The following KIF3B variants were observed in gnomAD, a reference collection of about 807,000 sequenced individuals.
KIF3B encodes kinesin-like protein KIF3B.
A neutral mutation model predicts 74.3 loss-of-function variants in KIF3B; 38 were observed. The observed-to-expected ratio is 0.51, with a 90% CI of 0.39 to 0.67. The LOEUF (loss-of-function observed/expected upper bound fraction) is 0.67. Ranked by LOEUF, KIF3B falls within the 30% of genes least tolerant of loss-of-function variation. The pLI is 0.00. For missense variants in KIF3B, 649 were observed against 932.0 expected (o/e 0.70, Z 3.95); for synonymous variants, 326 against 342.5 (o/e 0.95, Z 0.53).
intron 1 of KIF3B, among the ~76,000 whole-genome samples, chr20:32,280,211 C>T (rs776098216): frequency 7.2e-5 from 11 of 152,022 alleles, no homozygotes; most frequent in Admixed American, 5.2e-4. Context: ...CATTAGCTAT[C>T]GTTATTTGGG....
chr20:32,310,925 G>T lies in KIF3B; in HGVS notation c.1148G>T (p.Arg383Leu), dbSNP rs749727452. 2.5e-6 allele frequency: 4 copies of T among 1,613,792 alleles called. No individual in the cohort carries two copies. Among genetic ancestry groups the T allele is most frequent in the Non-Finnish European group, 3.4e-6 (4 of 1,179,872 alleles). The change falls in exon 2 of 9, where the codon CGG becomes CTG. Residue 383 changes from arginine to leucine, a missense_variant. By Grantham distance (102) the Arg-to-Leu change is moderately radical. Around this residue, in one of 4 missense-constraint regions of KIF3B, gnomAD observed 363 missense variants for 592.8 expected, o/e 0.61. Transcript: ENST00000375712. The surrounding 1 kb of genome is among the most constrained non-coding windows in gnomAD (Gnocchi z 6.5). ...GGTAGGAGGAAGAGGCGAGAGAAGC[G>T]GAGGGAAGGTGGTGGCAGTGGTGGG... is the stretch of plus-strand genomic sequence containing the variant. ...SIGRRKRREK[R>L]REGGGSGGGG... is the part of the protein sequence containing the mutation.
chr20:32,321,720 T>G (rs1428166555), intron 5 of KIF3B, among the ~76,000 whole-genome samples: 1 of 152,194 alleles, frequency 6.6e-6, no homozygotes, highest in Non-Finnish European at 1.5e-5. Flanking sequence ...TTCTACAAAT[T>G]GAAGGTTTGT....
At chr20:32,319,527 T>TAC (rs71187104) in intron 5 of KIF3B, among the ~76,000 whole-genome samples, 86,099 of 133,190 alleles carry the variant, frequency 0.65, 28,316 homozygotes, top group East Asian at 0.94. Context: ...ATATATTTCA[T>TAC]ACACACACAC....
At chr20:32,299,373 G>A (rs575876355) in intron 1 of KIF3B, among the ~76,000 whole-genome samples, 52 of 54,024 alleles carry the variant, frequency 9.6e-4, no homozygotes, top group Middle Eastern at 8.1e-3. Context: ...ACTGAATGGT[G>A]TGTGTGTATA....
chr20:32,309,762 T>C lies in KIF3B; in HGVS notation c.-16T>C. ...GAATTGACACTTCTCAAGATTTGACTGGATCAGAGTTCATCATGTCAAAGT... is the reference window on the plus strand; with the variant it reads ...GAATTGACACTTCTCAAGATTTGACCGGATCAGAGTTCATCATGTCAAAGT... On this transcript the variant is annotated 5_prime_UTR_variant, in exon 2 of 9. Transcript: ENST00000375712. The C allele has an allele frequency of 6.3e-7, 1 of 1,599,278 alleles. No individual in the cohort carries two copies. Among genetic ancestry groups the C allele is most frequent in the South Asian group, 1.1e-5 (1 of 89,156 alleles).
chr20:32,286,185 T>A (rs2047666876), intron 1 of KIF3B, among the ~76,000 whole-genome samples: 3 of 152,220 alleles, frequency 2.0e-5, no homozygotes, highest in Admixed American at 2.0e-4. Context: ...TATTGGGAGC[T>A]TGGGACTTAA....
At chr20:32,312,174 C>CA (rs1291919474) in intron 2 of KIF3B, among the ~76,000 whole-genome samples, 1 of 150,740 alleles carries the variant, frequency 6.6e-6, no homozygotes, top group Non-Finnish European at 1.5e-5. Context: ...TGCAGTGGCC[C>CA]AATCACTGCA....
chr20:32,291,432 A>G (rs1327754625), intron 1 of KIF3B, among the ~76,000 whole-genome samples: 2 of 152,064 alleles, frequency 1.3e-5, no homozygotes, highest in East Asian at 3.9e-4. Flanking sequence ...TTTTACCTAT[A>G]ACCTTCCATG....
intron 5 of KIF3B, among the ~76,000 whole-genome samples, chr20:32,324,078 C>T (rs2047890931): frequency 6.6e-6 from 1 of 150,604 alleles, no homozygotes; most frequent in Non-Finnish European, 1.5e-5. Flanking sequence ...CACTGCATTC[C>T]AGTCTGGGTG....
chr20:32,289,026 C>A (rs2047679512), intron 1 of KIF3B, among the ~76,000 whole-genome samples: 1 of 152,022 alleles, frequency 6.6e-6, no homozygotes, highest in Non-Finnish European at 1.5e-5. Context: ...CTGAGTGGGT[C>A]CTTATATTCT....
intron 7 of KIF3B, 137 bp from the exon 8 acceptor site, chr20:32,330,004 T>C: frequency 1.4e-6 from 1 of 706,992 alleles, no homozygotes; most frequent in Non-Finnish European, 2.2e-6. Flanking sequence ...GCATCACTTC[T>C]TTCAGGCAGG....
intron 5 of KIF3B, among the ~76,000 whole-genome samples, chr20:32,323,060 TTA>T (rs1424498098): frequency 2.6e-4 from 7 of 26,662 alleles, no homozygotes; most frequent in Admixed American, 4.3e-4. Context: ...ATATTTATAT[TTA>T]TATATATTTA....
chr20:32,322,250 T>G (rs1160445701), intron 5 of KIF3B, among the ~76,000 whole-genome samples: 1 of 152,042 alleles, frequency 6.6e-6, no homozygotes, highest in Non-Finnish European at 1.5e-5. Context: ...CCTAAGGGTT[T>G]TTTGGGTGCT....
chr20:32,283,062 G>A (rs968570737), intron 1 of KIF3B, among the ~76,000 whole-genome samples: 51 of 152,086 alleles, frequency 3.4e-4, no homozygotes, highest in Admixed American at 3.0e-3. Flanking sequence ...TGGAGACAGG[G>A]ACTCCCTCTG....
chr20:32,289,091 C>T (rs1348294849), intron 1 of KIF3B, among the ~76,000 whole-genome samples: 2 of 151,904 alleles, frequency 1.3e-5, no homozygotes, highest in African/African-American at 4.8e-5. Context: ...TCAAACACAA[C>T]ATCCAAAATT....
rs1232389621 is a variant in KIF3B at position 32,331,744 on chromosome 20, C to A, written c.*425C>A. The A allele has an allele frequency of 6.2e-6, 1 of 162,198 alleles. No individual in the cohort carries two copies. The highest frequency in any genetic ancestry group is 2.4e-5 in the African/African-American group (1 of 41,622). The allele number at this position is 162,198 out of a possible 1,614,324, so 10.0% of individuals were successfully genotyped here. On this transcript the variant is annotated 3_prime_UTR_variant, in exon 9 of 9. Transcript: ENST00000375712. ...AGGAGTCACCTTAGCAGGACCACAT[C>A]TTTGGAGCCTCGGGATAAAATGACA...
intron 5 of KIF3B, among the ~76,000 whole-genome samples, 180 bp from the exon 6 acceptor site, chr20:32,326,591 A>G (rs2047904767): frequency 6.6e-6 from 1 of 152,206 alleles, no homozygotes; most frequent in East Asian, 1.9e-4. Context: ...GGCAGGAGCC[A>G]GATGTCATTT....
chr20:32,323,267 C>T (rs1449785296), intron 5 of KIF3B, among the ~76,000 whole-genome samples: 1 of 146,944 alleles, frequency 6.8e-6, no homozygotes, highest in South Asian at 2.1e-4. Flanking sequence ...TTAGTATTTT[C>T]TAGTACCCAA....
chr20:32,314,272 G>C (rs918295463), intron 2 of KIF3B, among the ~76,000 whole-genome samples: 2 of 152,026 alleles, frequency 1.3e-5, no homozygotes, highest in Non-Finnish European at 2.9e-5. Flanking sequence ...GGGCGCGGTG[G>C]CTCACGCCTG....
Sources: allele counts gnomAD v4.1 joint callset (sites outside exome capture counted in the v4.1 genomes callset), GRCh38; gene constraint gnomAD v4.1.1; regional missense constraint gnomAD v4.1.1; non-coding constraint Gnocchi (gnomAD v3.1); transcripts MANE v1.5; gene names NCBI Gene and HGNC (gene_info 2026-07-23, HGNC 2026-07-21).